The following BIN1 variants were observed in gnomAD, a reference collection of about 807,000 sequenced individuals.
The protein encoded by BIN1 is myc box-dependent-interacting protein 1.
In BIN1, 53 loss-of-function variants were observed where a neutral mutation model predicts 82.0. The observed-to-expected ratio is 0.65, with a 90% CI of 0.52 to 0.81. BIN1 has a LOEUF of 0.81. Among genes scored for constraint, BIN1 ranks in the 40% least tolerant of loss-of-function variants. BIN1 has a pLI of 0.00. For missense variants in BIN1, 642 were observed against 784.4 expected (o/e 0.82, Z 2.17); for synonymous variants, 302 against 328.0 (o/e 0.92, Z 0.86).
intron 1 of BIN1, among the ~76,000 whole-genome samples, chr2:127,103,196 G>C (rs1680573190): frequency 6.6e-6 from 1 of 152,174 alleles, no homozygotes; most frequent in Admixed American, 6.5e-5. Context: ...CTATTACAGG[G>C]ACCATGCACC....
rs556129959 is a variant in BIN1, at chr2:127,052,254, C to T, written c.1371+1G>A. ...GACAGGGGCTGGAGGTGGGCACTTACTTGGGCAGGCCCCGGCTCGGCCGTC... is the reference window on the plus strand; with the variant it reads ...GACAGGGGCTGGAGGTGGGCACTTATTTGGGCAGGCCCCGGCTCGGCCGTC... On this transcript the variant is annotated splice_donor_variant, in intron 15 of 18. Coordinates refer to ENST00000316724, the MANE Select transcript of BIN1 (RefSeq NM_139343.3). LOFTEE classifies it high-confidence loss of function. 1 of 1,569,556 alleles carries T rather than the reference C, an allele frequency of 6.4e-7. No individual in the cohort carries two copies. Among genetic ancestry groups the T allele is most frequent in the Admixed American group, 1.9e-5 (1 of 53,924 alleles).
chr2:127,063,528 C>T (rs1406238334), intron 9 of BIN1, 43 bp downstream of exon 9: 2 of 1,594,880 alleles, frequency 1.3e-6, no homozygotes, highest in South Asian at 2.2e-5. Context: ...TGACCCTCGG[C>T]CAGGGTGGGG....
intron 18 of BIN1, among the ~76,000 whole-genome samples, chr2:127,049,687 C>T (rs1016255187): frequency 1.3e-5 from 2 of 152,180 alleles, no homozygotes; most frequent in African/African-American, 4.8e-5. Flanking sequence ...ACCGACCCCC[C>T]ACAAGCAAAG....
rs1024556797 is a variant in BIN1 at position 127,090,460 on chromosome 2, A to G, written c.85-13754T>C. Among the ~76,000 whole-genome samples, 1 of 152,216 alleles carries G rather than the reference A, an allele frequency of 6.6e-6. No individual in the cohort carries two copies. The highest frequency in any genetic ancestry group is 2.4e-5 in the African/African-American group (1 of 41,458). On this transcript the variant is annotated intron_variant, in intron 1 of 18. Transcript: ENST00000316724. The surrounding 1 kb of genome is among the most constrained non-coding windows in gnomAD (Gnocchi z 6.4). The stretch of plus-strand genomic sequence containing the variant: ...CTCGCTGAGGACAGCCTGTCTCCAC[A>G]GGCACGCACCCCACCCTTGGCCCCA...
At chr2:127,069,921 C>T in intron 5 of BIN1, 74 bp downstream of exon 5, 1 of 1,497,118 alleles carries the variant, frequency 6.7e-7, no homozygotes, top group African/African-American at 1.4e-5. Context: ...GCCTGAGCCG[C>T]ACGTCCTAGG....
rs1343887434 is a variant in BIN1, at chr2:127,057,002, G to T, written c.1131+471C>A. On this transcript the variant is annotated intron_variant, in intron 12 of 18. Transcript: ENST00000316724. This position sits in a 1 kb window ranked among gnomAD's most constrained non-coding sequence, Gnocchi z 5.0. ...TATCTGGGCATTCCACGCCTCTTAGGGAGTGTGCACACGGCAGTTCTGCCC... is the reference window on the plus strand; with the variant it reads ...TATCTGGGCATTCCACGCCTCTTAGTGAGTGTGCACACGGCAGTTCTGCCC... 2.0e-5 allele frequency among the ~76,000 whole-genome samples: 3 copies of T among 152,232 alleles called. No individual in the cohort carries two copies. The highest frequency in any genetic ancestry group is 4.4e-5 in the Non-Finnish European group (3 of 68,044).
Position 127,068,287 on chromosome 2 carries a change from G to A in BIN1, c.520-32C>T, listed in dbSNP as rs1322097115. The A allele has an allele frequency of 5.1e-6, 8 of 1,561,744 alleles. No homozygotes were observed. In the South Asian group the frequency reaches 6.7e-5, roughly 13 times the overall value. ...TGGGGAGGTCAAGGCAAAGGAAGGTGGAGAGACCAGGGAGGTGGGGAGAGA... is the reference window on the plus strand; with the variant it reads ...TGGGGAGGTCAAGGCAAAGGAAGGTAGAGAGACCAGGGAGGTGGGGAGAGA... On this transcript the variant is annotated intron_variant, in intron 6 of 18. Transcript: ENST00000316724. The surrounding 1 kb of genome is among the most constrained non-coding windows in gnomAD (Gnocchi z 4.9).
Position 127,059,297 on chromosome 2 carries a change from TGA to T in BIN1, c.858-144_858-143del, listed in dbSNP as rs1684132393. 3 of 616,620 alleles carry T rather than the reference TGA, an allele frequency of 4.9e-6. No individual in the cohort carries two copies. The highest frequency in any genetic ancestry group is 2.4e-5 in the African/African-American group (1 of 42,184). The allele number at this position is 616,620 out of a possible 1,614,324, so 38.2% of individuals were successfully genotyped here. ...GTGTGTGTGTGTGTGTGTGTGTATGTGAGAGAGAGCAGGAGGGTGGGGGGAGC... is the reference window on the plus strand; with the variant it reads ...GTGTGTGTGTGTGTGTGTGTGTATGTGAGAGAGCAGGAGGGTGGGGGGAGC... On this transcript the variant is annotated intron_variant, in intron 10 of 18. Coordinates refer to ENST00000316724, the MANE Select transcript of BIN1 (RefSeq NM_139343.3). The surrounding 1 kb of genome is among the most constrained non-coding windows in gnomAD (Gnocchi z 6.7).
chr2:127,061,704 T>C (rs1433581389), intron 10 of BIN1, among the ~76,000 whole-genome samples: 1 of 152,112 alleles, frequency 6.6e-6, no homozygotes, highest in Non-Finnish European at 1.5e-5. Context: ...ACATGAGCTT[T>C]TCCAGGAGCA....
Position 127,070,173 on chromosome 2 carries a change from C to A in BIN1, c.316-83G>T, listed in dbSNP as rs551991930. ...GCGCTCACCTCGCAGGGACCAGCCC[C>A]AGCCCCATCTCTTCACAGCTCAGTG... On this transcript the variant is annotated intron_variant, in intron 4 of 18. Transcript: ENST00000316724. The A allele has an allele frequency of 3.5e-6, 4 of 1,133,778 alleles. No individual in the cohort carries two copies. The South Asian group carries it at 5.1e-5, about 14-fold the overall frequency. The allele number at this position is 1,133,778 out of a possible 1,614,324, so 70.2% of individuals were successfully genotyped here. A position where few individuals can be genotyped will look rare whatever the true frequency, so the allele number is the denominator to read the frequency against.
chr2:127,069,166 G>A, intron 5 of BIN1, 135 bp from the exon 6 acceptor site: 2 of 784,798 alleles, frequency 2.5e-6, no homozygotes, highest in Non-Finnish European at 4.2e-6. Flanking sequence ...CCTTGTTGCT[G>A]GAACCCTCCT....
chr2:127,099,329 C>G (rs942671926), intron 1 of BIN1, among the ~76,000 whole-genome samples: 1 of 151,018 alleles, frequency 6.6e-6, no homozygotes, highest in African/African-American at 2.4e-5. Context: ...GGATTCCCCC[C>G]AGGAAGTCTT....
intron 14 of BIN1, chr2:127,053,207 C>T (rs1683184016): frequency 2.9e-6 from 2 of 678,386 alleles, no homozygotes; most frequent in Non-Finnish European, 5.2e-6. Context: ...CGAAGATCCC[C>T]TTTTCCAAGG....
Position 127,048,046 on chromosome 2 carries a change from A to AT in BIN1, c.*479dup, listed in dbSNP as rs367627116. 1,786 of 188,732 alleles carry AT rather than the reference A, an allele frequency of 9.5e-3. 19 individuals carry two copies. Among genetic ancestry groups the AT allele is most frequent in the African/African-American group, 0.027 (1,128 of 41,796 alleles). 11.7% of individuals were successfully genotyped at this position (188,732 alleles called of 1,614,324 possible). A position where few individuals can be genotyped will look rare whatever the true frequency, so the allele number is the denominator to read the frequency against. ...CACACGTTTTCTGAGAGTTTTTATCATTTTTTTTTTGTTTCATTTTGTTTT... is the reference window on the plus strand; with the variant it reads ...CACACGTTTTCTGAGAGTTTTTATCATTTTTTTTTTTGTTTCATTTTGTTTT... On this transcript the variant is annotated 3_prime_UTR_variant, in exon 19 of 19. Transcript: ENST00000316724.
intron 12 of BIN1, 96 bp from the exon 13 acceptor site, chr2:127,054,108 GAC>G: frequency 1.7e-5 from 17 of 974,316 alleles, no homozygotes; most frequent in Non-Finnish European, 2.2e-5. Flanking sequence ...CACACGCGTG[GAC>G]ACACACACAT....
intron 11 of BIN1, among the ~76,000 whole-genome samples, chr2:127,058,677 G>C (rs1292902318): frequency 6.6e-6 from 1 of 152,148 alleles, no homozygotes; most frequent in Non-Finnish European, 1.5e-5. Flanking sequence ...TGGATGCTCT[G>C]TGGGCTGAGG....
chr2:127,104,970 C>T (rs1388456349), intron 1 of BIN1, among the ~76,000 whole-genome samples: 2 of 152,204 alleles, frequency 1.3e-5, no homozygotes, highest in South Asian at 2.1e-4. Flanking sequence ...CCAGGAAGCC[C>T]GGCATGGGCA....
chr2:127,085,001 T>C (rs1677940551), intron 1 of BIN1, among the ~76,000 whole-genome samples: 1 of 152,196 alleles, frequency 6.6e-6, no homozygotes, highest in Non-Finnish European at 1.5e-5. Context: ...AGCAGTCTCC[T>C]GGTGACGATT....
rs1394166082 is a variant in BIN1 at position 127,076,649 on chromosome 2, C to T, written c.142G>A (p.Val48Ile). The change falls in exon 2 of 19, where the codon GTC becomes ATC. Residue 48 changes from valine to isoleucine, a missense_variant. By Grantham distance (29) the Val-to-Ile change is conservative. Coordinates refer to ENST00000316724, the MANE Select transcript of BIN1 (RefSeq NM_139343.3). ...ACCAGCTGCTTGTTGAAATTCTGGA[C>T]GCACTGCTCAAACTGCTCATCCTTG... Reference protein sequence around the residue: ...ETKDEQFEQCVQNFNKQLTEG... With the variant: ...ETKDEQFEQCIQNFNKQLTEG... 1.4e-5 allele frequency: 23 copies of T among 1,614,058 alleles called. No homozygotes were observed. Among genetic ancestry groups the T allele is most frequent in the South Asian group, 4.4e-5 (4 of 91,082 alleles).
Sources: allele counts gnomAD v4.1 joint callset (sites outside exome capture counted in the v4.1 genomes callset), GRCh38; gene constraint gnomAD v4.1.1; non-coding constraint Gnocchi (gnomAD v3.1); transcripts MANE v1.5; gene names NCBI Gene and HGNC (gene_info 2026-07-23, HGNC 2026-07-21).